ZBTB47: variants seen among roughly 807,000 people sequenced by gnomAD.
The protein encoded by ZBTB47 is zinc finger and BTB domain-containing protein 47.
ZBTB47 carries 24 observed loss-of-function variants against 56.6 expected under a neutral mutation model. The ratio of observed to expected loss-of-function variants is 0.42; its 90% confidence interval spans 0.31 to 0.60. The LOEUF (loss-of-function observed/expected upper bound fraction) is 0.60, where lower values mean the gene tolerates loss of function less well. Among genes scored for constraint, ZBTB47 ranks in the 20% least tolerant of loss-of-function variants. The pLI is 0.14. For synonymous variants in ZBTB47, 414 were observed against 418.9 expected (o/e 0.99, Z 0.14); for missense variants, 829 against 1,032.6 (o/e 0.80, Z 2.70).
rs895566819 is a variant in ZBTB47 at position 42,659,732 on chromosome 3, C to T, written c.1377C>T (p.His459=). The T allele has an allele frequency of 3.7e-6, 6 of 1,613,770 alleles. No individual in the cohort carries two copies. Among genetic ancestry groups the T allele is most frequent in the African/African-American group, 2.7e-5 (2 of 74,956 alleles). ...WYLEKHMNVT[H]SRMQICDQCG... ...TGGAGAAACACATGAATGTGACCCA[C>T]AGCCGCATGCAGATCTGCGACCAGT... Residue 459 remains histidine (H), a synonymous_variant, in exon 2 of 6, where the codon CAC becomes CAT. Coordinates refer to ENST00000232974, the MANE Select transcript of ZBTB47 (RefSeq NM_145166.4).
rs1710642717 is a variant in ZBTB47 at position 42,656,396 on chromosome 3, G to A, written c.-81-1879G>A. 6.6e-6 allele frequency among the ~76,000 whole-genome samples: 1 copy of A among 152,190 alleles called. No individual in the cohort carries two copies. The highest frequency in any genetic ancestry group is 6.5e-5 in the Admixed American group (1 of 15,292). Reference sequence around the variant, plus strand: ...GGACTGTGGAACCCTCTCATTCTGAGCCTCGGTTTCTCCATCTGTGTAGTA... The same window carrying A: ...GGACTGTGGAACCCTCTCATTCTGAACCTCGGTTTCTCCATCTGTGTAGTA... On this transcript the variant is annotated intron_variant, in intron 1 of 5. Coordinates refer to ENST00000232974, the MANE Select transcript of ZBTB47 (RefSeq NM_145166.4). The surrounding 1 kb of genome is among the most constrained non-coding windows in gnomAD (Gnocchi z 5.8).
chr3:42,664,751 A>T lies in ZBTB47; in HGVS notation c.*153A>T. ...ATGTACCCTGCCTGAGGCCCCGACG[A>T]GGAGGGGTATGCAGGCTGGCAGGCC... On this transcript the variant is annotated 3_prime_UTR_variant, in exon 6 of 6. Transcript: ENST00000232974. 1 of 912,806 alleles carries T rather than the reference A, an allele frequency of 1.1e-6. No homozygotes were observed. Among genetic ancestry groups the T allele is most frequent in the Non-Finnish European group, 1.5e-6 (1 of 685,554 alleles). 56.5% of individuals were successfully genotyped at this position (912,806 alleles called of 1,614,324 possible). A position where few individuals can be genotyped will look rare whatever the true frequency, so the allele number is the denominator to read the frequency against.
At position 42,656,359 on chromosome 3, in the gene ZBTB47, T is replaced by C. The variant is rs1445588924; in HGVS notation, c.-81-1916T>C. On this transcript the variant is annotated intron_variant, in intron 1 of 5. Coordinates refer to ENST00000232974, the MANE Select transcript of ZBTB47 (RefSeq NM_145166.4). The surrounding 1 kb of genome is among the most constrained non-coding windows in gnomAD (Gnocchi z 5.8). ...GGGGTGGTCTTAGCGGAGCTGGGAG[T>C]CCAGGGGCTCTGGACTGTGGAACCC... Among the ~76,000 whole-genome samples, 6 of 151,890 alleles carry C rather than the reference T, an allele frequency of 4.0e-5. No individual in the cohort carries two copies. Among genetic ancestry groups the C allele is most frequent in the Admixed American group, 6.6e-5 (1 of 15,262 alleles).
At position 42,659,786 on chromosome 3, in the gene ZBTB47, G is replaced by C; in HGVS notation, c.1431G>C (p.Glu477Asp). 1 of 1,613,198 alleles carries C rather than the reference G, an allele frequency of 6.2e-7. No homozygotes were observed. Among genetic ancestry groups the C allele is most frequent in the Non-Finnish European group, 8.5e-7 (1 of 1,179,490 alleles). ...GCAAGCGCTTCCTGCTGGAGAGCGA[G>C]CTGCTGCTGCACAGGCAGACAGACT... is the stretch of plus-strand genomic sequence containing the variant. Reference protein sequence around the residue: ...QCGKRFLLESELLLHRQTDCE... With the variant: ...QCGKRFLLESDLLLHRQTDCE... The change falls in exon 2 of 6, where the codon GAG becomes GAC. Residue 477 changes from glutamate (E) to aspartate (D), a missense_variant. This residue lies in a region of ZBTB47 where 187 missense variants were observed against 253.1 expected (regional missense o/e 0.74). Transcript: ENST00000232974.
At position 42,658,659 on chromosome 3, in the gene ZBTB47, G is replaced by A. The variant is rs775562428; in HGVS notation, c.304G>A (p.Ala102Thr). 26 of 1,536,498 alleles carry A rather than the reference G, an allele frequency of 1.7e-5. No individual in the cohort carries two copies. Among genetic ancestry groups the A allele is most frequent in the Non-Finnish European group, 2.1e-5 (24 of 1,146,912 alleles). The change falls in exon 2 of 6, where the codon GCT (alanine) becomes ACT (threonine). Residue 102 changes from alanine to threonine, a missense_variant. Physicochemically the swap from Ala to Thr is moderately conservative, Grantham distance 58. Coordinates refer to ENST00000232974, the MANE Select transcript of ZBTB47 (RefSeq NM_145166.4). ...CTCATTGCTGCAGATGGCTGACATC[G>A]CTGCGTCCTGCCAAGAGCTGCTGGA... ...AASLLQMADI[A>T]ASCQELLDAR...
intron 5 of ZBTB47, 57 bp from the exon 6 acceptor site, chr3:42,664,180 C>T (rs1459234621): frequency 1.2e-5 from 19 of 1,594,146 alleles, no homozygotes; most frequent in Non-Finnish European, 1.5e-5. Flanking sequence ...AGGCTGGCCC[C>T]AGACTGGGGT....
Position 42,656,721 on chromosome 3 carries a change from C to A in ZBTB47, c.-81-1554C>A, listed in dbSNP as rs1362039155. 2.0e-5 allele frequency among the ~76,000 whole-genome samples: 3 copies of A among 152,026 alleles called. No homozygotes were observed. The highest frequency in any genetic ancestry group is 4.4e-5 in the Non-Finnish European group (3 of 67,986). ...GGTGGCCCCTGGTGGCTCAGGGAGGCTCCTGCTGAGGCCCACGGTAGGTTT... is the reference window on the plus strand; with the variant it reads ...GGTGGCCCCTGGTGGCTCAGGGAGGATCCTGCTGAGGCCCACGGTAGGTTT... On this transcript the variant is annotated intron_variant, in intron 1 of 5. Transcript: ENST00000232974. This position sits in a 1 kb window ranked among gnomAD's most constrained non-coding sequence, Gnocchi z 5.8.
rs768969125 is a variant in ZBTB47, at chr3:42,663,913, CT to C, written c.1856del (p.Phe619SerfsTer5). On this transcript the variant is annotated frameshift_variant, in exon 5 of 6. Transcript: ENST00000232974. LOFTEE classifies it low-confidence loss of function (END_TRUNC). The surrounding 1 kb of genome is among the most constrained non-coding windows in gnomAD (Gnocchi z 5.1). ...CGKDFNMKQYFDEHMKTHTGE... is the reference protein window; with the variant it reads ...CGKDFNMKQYXDEHMKTHTGE... ...GCAAGGACTTCAACATGAAGCAGTA[CT>C]TCGATGAGCACATGAAGACCCACAC... 1 of 1,613,264 alleles carries C rather than the reference CT, an allele frequency of 6.2e-7. No individual in the cohort carries two copies. Among genetic ancestry groups the C allele is most frequent in the Non-Finnish European group, 8.5e-7 (1 of 1,179,622 alleles).
Position 42,663,104 on chromosome 3 carries a change from G to A in ZBTB47, c.1714G>A (p.Gly572Arg), listed in dbSNP as rs1408155617. The A allele has an allele frequency of 6.2e-7, 1 of 1,613,806 alleles. No homozygotes were observed. Among genetic ancestry groups the A allele is most frequent in the South Asian group, 1.1e-5 (1 of 91,078 alleles). The change falls in exon 4 of 6, where the codon GGG becomes AGG. Residue 572 changes from glycine (G) to arginine (R), a missense_variant. Around this residue, in one of 6 missense-constraint regions of ZBTB47, gnomAD observed 187 missense variants for 253.1 expected, o/e 0.74. Transcript: ENST00000232974. This position sits in a 1 kb window ranked among gnomAD's most constrained non-coding sequence, Gnocchi z 5.1. ...CAAGGTGCACTCACTGCAGCACTCA[G>A]GGGAGAAGCCGTTCAGATGTGAGGT... Reference protein sequence around the residue: ...SLKVHSLQHSGEKPFRCENCN... With the variant: ...SLKVHSLQHSREKPFRCENCN...
rs961865455 is a variant in ZBTB47 at position 42,666,942 on chromosome 3, C to T, written c.*2344C>T. ...CCACTGGGGATAGGAGCCTGTGTCC[C>T]TGGTGCTAAGCACTCTCTTCACTTG... On this transcript the variant is annotated 3_prime_UTR_variant, in exon 6 of 6. Transcript: ENST00000232974. Among the ~76,000 whole-genome samples, 1 of 152,234 alleles carries T rather than the reference C, an allele frequency of 6.6e-6. No individual in the cohort carries two copies. The highest frequency in any genetic ancestry group is 2.4e-5 in the African/African-American group (1 of 41,466).
In ZBTB47 at chr3:42,666,429, C is replaced by T. The variant is rs1710789989; in HGVS notation, c.*1831C>T. 6.6e-6 allele frequency among the ~76,000 whole-genome samples: 1 copy of T among 152,214 alleles called. No individual in the cohort carries two copies. The highest frequency in any genetic ancestry group is 6.5e-5 in the Admixed American group (1 of 15,280). On this transcript the variant is annotated 3_prime_UTR_variant, in exon 6 of 6. Coordinates refer to ENST00000232974, the MANE Select transcript of ZBTB47 (RefSeq NM_145166.4). ...TGTAGCTCTTTTTCTTCCTTGCACT[C>T]CTTGATCTTTGGGCTTCCGTGATGT...
At position 42,658,933 on chromosome 3, in the gene ZBTB47, A is replaced by C. The variant is rs1710672700; in HGVS notation, c.578A>C (p.Lys193Thr). 1.3e-6 allele frequency: 2 copies of C among 1,499,468 alleles called. No individual in the cohort carries two copies. The highest frequency in any genetic ancestry group is 8.9e-7 in the Non-Finnish European group (1 of 1,128,884). 92.9% of individuals were successfully genotyped at this position (1,499,468 alleles called of 1,614,324 possible). The change falls in exon 2 of 6, where the codon AAG becomes ACG. Residue 193 changes from lysine to threonine, a missense_variant. By Grantham distance (78) the Lys-to-Thr change is moderately conservative. Transcript: ENST00000232974. ...GCCCAGCCCTTCTTTAAGGAGGAGA[A>C]GGAGGGTGGTGTCGAGGAGGCCGGT... The part of the protein sequence containing the change: ...GPAQPFFKEE[K>T]EGGVEEAGGP...
Position 42,654,087 on chromosome 3 carries a change from G to A in ZBTB47, c.-82+204G>A, listed in dbSNP as rs1710602707. The A allele has an allele frequency of 6.6e-6, 1 of 152,304 alleles. No homozygotes were observed. The highest frequency in any genetic ancestry group is 6.5e-5 in the Admixed American group (1 of 15,284). The allele number at this position is 152,304 out of a possible 1,614,324, so 9.4% of individuals were successfully genotyped here. On this transcript the variant is annotated intron_variant, in intron 1 of 5. Transcript: ENST00000232974. The surrounding 1 kb of genome is among the most constrained non-coding windows in gnomAD (Gnocchi z 5.0). ...CCTCAGCGTGGGATCCCTCAGGGGA[G>A]CGGGTGGAAGCCTTTTCTGTTCGGA... is the stretch of plus-strand genomic sequence containing the variant.
At position 42,664,721 on chromosome 3, in the gene ZBTB47, G is replaced by A. The variant is rs1710764930; in HGVS notation, c.*123G>A. ...GGGCCCTGCTCCACCTCCAGAAGTG[G>A]CTGGATGTACCCTGCCTGAGGCCCC... is the stretch of plus-strand genomic sequence containing the variant. On this transcript the variant is annotated 3_prime_UTR_variant, in exon 6 of 6. Transcript: ENST00000232974. The A allele has an allele frequency of 4.1e-6, 5 of 1,205,952 alleles. No individual in the cohort carries two copies. The highest frequency in any genetic ancestry group is 5.3e-6 in the Non-Finnish European group (5 of 940,774). The allele number at this position is 1,205,952 out of a possible 1,614,324, so 74.7% of individuals were successfully genotyped here. A position where few individuals can be genotyped will look rare whatever the true frequency, so the allele number is the denominator to read the frequency against.
intron 1 of ZBTB47, among the ~76,000 whole-genome samples, chr3:42,657,902 C>G (rs1710657646): frequency 6.6e-6 from 1 of 152,182 alleles, no homozygotes; most frequent in Non-Finnish European, 1.5e-5. Flanking sequence ...CACTGAAAGC[C>G]CTGCACCCCA....
chr3:42,662,360 C>T lies in ZBTB47; in HGVS notation c.1622-652C>T, dbSNP rs339719. ...AGCATGAACTGACTGGAAGCTGGGA[C>T]CCTGCGGCCTAGGTCTCAGCCAGGA... On this transcript the variant is annotated intron_variant, in intron 3 of 5. Transcript: ENST00000232974. 7.4e-3 allele frequency among the ~76,000 whole-genome samples: 1,122 copies of T among 151,462 alleles called. 20 individuals are homozygous for T. The highest frequency in any genetic ancestry group is 0.026 in the African/African-American group (1,077 of 41,516).
Position 42,658,991 on chromosome 3 carries a change from TGGA to T in ZBTB47, c.638_640del (p.Gly213del), listed in dbSNP as rs1247922322. 13 of 1,523,656 alleles carry T rather than the reference TGGA, an allele frequency of 8.5e-6. No individual in the cohort carries two copies. In the East Asian group the frequency reaches 3.2e-4, roughly 37 times the overall value. The allele number at this position is 1,523,656 out of a possible 1,614,324, so 94.4% of individuals were successfully genotyped here. On this transcript the variant is annotated inframe_deletion, in exon 2 of 6. Coordinates refer to ENST00000232974, the MANE Select transcript of ZBTB47 (RefSeq NM_145166.4). ...CAGCCAGCTTGTGCAAGCTGGAGGG[TGGA>T]GAAGAGTTGGAGGAAGAGCTTGGGG...
At position 42,664,501 on chromosome 3, in the gene ZBTB47, T is replaced by TGCCCCAGACCCTGCC. The variant is rs1710759744; in HGVS notation, c.2153_2167dup (p.Gln718_Pro722dup). 6.8e-7 allele frequency: 1 copy of TGCCCCAGACCCTGCC among 1,470,280 alleles called. No individual in the cohort carries two copies. The highest frequency in any genetic ancestry group is 8.9e-7 in the Non-Finnish European group (1 of 1,117,414). The allele number at this position is 1,470,280 out of a possible 1,614,324, so 91.1% of individuals were successfully genotyped here. On this transcript the variant is annotated inframe_insertion, in exon 6 of 6. Transcript: ENST00000232974. ...CACGCACTGCCCCTGCTCCCGGGGC[T>TGCCCCAGACCCTGCC]GCCCCAGACCCTGCCGCCCCCGCCC...
chr3:42,654,687 G>A lies in ZBTB47; in HGVS notation c.-82+804G>A. 2.0e-6 allele frequency: 2 copies of A among 984,940 alleles called. No homozygotes were observed. The highest frequency in any genetic ancestry group is 2.4e-6 in the Non-Finnish European group (2 of 829,726). The allele number at this position is 984,940 out of a possible 1,614,324, so 61.0% of individuals were successfully genotyped here. On this transcript the variant is annotated intron_variant, in intron 1 of 5. Transcript: ENST00000232974. The surrounding 1 kb of genome is among the most constrained non-coding windows in gnomAD (Gnocchi z 5.0). ...GGGCCCTGTGAGCCCCCAGCGCCACGGCACCATGGTACGCAGGGCCCTGCC... is the reference window on the plus strand; with the variant it reads ...GGGCCCTGTGAGCCCCCAGCGCCACAGCACCATGGTACGCAGGGCCCTGCC...
Sources: allele counts gnomAD v4.1 joint callset (sites outside exome capture counted in the v4.1 genomes callset), GRCh38; gene constraint gnomAD v4.1.1; regional missense constraint gnomAD v4.1.1; non-coding constraint Gnocchi (gnomAD v3.1); transcripts MANE v1.5; gene names NCBI Gene and HGNC (gene_info 2026-07-23, HGNC 2026-07-21).